Variants in TET1 observed in about 807,000 individuals in gnomAD.
The protein encoded by TET1 is methylcytosine dioxygenase TET1.
A neutral mutation model predicts 148.7 loss-of-function variants in TET1; 13 were observed. The observed-to-expected ratio is 0.09, with a 90% CI of 0.06 to 0.14. TET1 has a LOEUF of 0.14. Among genes scored for constraint, TET1 ranks in the 10% least tolerant of loss-of-function variants. The pLI, the probability that TET1 is intolerant of heterozygous loss-of-function variation, is 1.00. For missense variants in TET1, 2,182 were observed against 2,553.8 expected, an observed-to-expected ratio of 0.85 and a Z score of 3.14; for synonymous variants, 907 against 937.2, an observed-to-expected ratio of 0.97 and a Z score of 0.59.
In TET1 at chr10:68,646,191, A is replaced by G. The variant is rs776447531; in HGVS notation, c.3462A>G (p.Pro1154=). Residue 1154 remains proline (P), a synonymous_variant, in exon 4 of 12, where the codon CCA becomes CCG. Transcript: ENST00000373644. ...NPTQKKTKST[P]SRDRRKKKPT... ...CCCAGAAAAAGACAAAATCCACCCC[A>G]TCAAGAGATCGGCGGAAAAAGAAGC... is the stretch of plus-strand genomic sequence containing the variant. 1.1e-5 allele frequency: 18 copies of G among 1,614,044 alleles called. No individual in the cohort carries two copies. Among genetic ancestry groups the G allele is most frequent in the Non-Finnish European group, 1.4e-5 (16 of 1,180,002 alleles).
chr10:68,644,605 G>C (rs2054811048), intron 3 of TET1, 93 bp from the exon 4 acceptor site: 3 of 1,252,404 alleles, frequency 2.4e-6, no homozygotes, highest in Non-Finnish European at 3.2e-6. Context: ...TATCCACAGG[G>C]GCTTTACATT....
At chr10:68,667,492 A>G (rs1044363680) in intron 7 of TET1, among the ~76,000 whole-genome samples, 2 of 152,188 alleles carry the variant, frequency 1.3e-5, no homozygotes, top group African/African-American at 4.8e-5. Flanking sequence ...GCAGTGGCTC[A>G]TGCCTGTAAT....
chr10:68,669,530 AT>A (rs1256595110), intron 7 of TET1, among the ~76,000 whole-genome samples: 1 of 54,342 alleles, frequency 1.8e-5, no homozygotes, highest in Non-Finnish European at 3.6e-5. Flanking sequence ...TTTTTTTTGT[AT>A]TTTTAGTAGA....
intron 3 of TET1, among the ~76,000 whole-genome samples, chr10:68,614,949 T>A (rs967321532): frequency 8.6e-5 from 13 of 152,016 alleles, no homozygotes; most frequent in Non-Finnish European, 1.6e-4. Flanking sequence ...TATGGCTTTT[T>A]TTTTTTGAGT....
rs1316291755 is a variant in TET1 at position 68,580,803 on chromosome 10, AAAAT to A, written c.1914+6553_1914+6556del. 4.0e-3 allele frequency among the ~76,000 whole-genome samples: 483 copies of A among 120,178 alleles called. 1 individual carries two copies. The highest frequency in any genetic ancestry group is 5.0e-3 in the Non-Finnish European group (301 of 60,184). 78.8% of individuals were successfully genotyped at this position (120,178 alleles called of 152,430 possible). A position where few individuals can be genotyped will look rare whatever the true frequency, so the allele number is the denominator to read the frequency against. On this transcript the variant is annotated intron_variant, in intron 2 of 11. Transcript: ENST00000373644. Reference sequence around the variant, plus strand: ...ATCTCAAAAAAAAAAAAAAAAAAAAAAAATATATATATATATATATGGCGTGATG... The same window carrying A: ...ATCTCAAAAAAAAAAAAAAAAAAAAAATATATATATATATATGGCGTGATG...
chr10:68,575,518 T>C (rs1015992774), intron 2 of TET1, among the ~76,000 whole-genome samples: 2 of 150,236 alleles, frequency 1.3e-5, no homozygotes, highest in Non-Finnish European at 3.0e-5. Context: ...GAGACCAACA[T>C]GGGGTGAAAC....
At chr10:68,588,780 A>T (rs1316358022) in intron 2 of TET1, among the ~76,000 whole-genome samples, 4 of 151,508 alleles carry the variant, frequency 2.6e-5, no homozygotes. Flanking sequence ...AACTCTTTCC[A>T]TTTTTAATTT....
chr10:68,663,347 G>A (rs1231362014), intron 6 of TET1, among the ~76,000 whole-genome samples: 1 of 152,010 alleles, frequency 6.6e-6, no homozygotes, highest in Non-Finnish European at 1.5e-5. Flanking sequence ...TTTATTCTTA[G>A]GTTTTTTGCA....
Position 68,646,935 on chromosome 10 carries a change from CTTT to C in TET1, c.4207_4209del (p.Phe1403del), listed in dbSNP as rs748754173. Reference sequence around the variant, plus strand: ...ATTTTAATGATTATGCCATGAACTTCTTTACTAACCCTACAAAAAACCTAGTGT... The same window carrying C: ...ATTTTAATGATTATGCCATGAACTTCACTAACCCTACAAAAAACCTAGTGT... On this transcript the variant is annotated inframe_deletion, in exon 4 of 12. Coordinates refer to ENST00000373644, the MANE Select transcript of TET1 (RefSeq NM_030625.3). 1.9e-6 allele frequency: 3 copies of C among 1,614,116 alleles called. No individual in the cohort carries two copies. Among genetic ancestry groups the C allele is most frequent in the Non-Finnish European group, 2.5e-6 (3 of 1,180,008 alleles).
rs1354399884 is a variant in TET1 at position 68,595,873 on chromosome 10, C to G, written c.1915-5108C>G. Among the ~76,000 whole-genome samples, 4 of 108,662 alleles carry G rather than the reference C, an allele frequency of 3.7e-5. No homozygotes were observed. In the East Asian group the frequency reaches 1.0e-3, roughly 27 times the overall value. The allele number at this position is 108,662 out of a possible 152,430, so 71.3% of individuals were successfully genotyped here. On this transcript the variant is annotated intron_variant, in intron 2 of 11. Coordinates refer to ENST00000373644, the MANE Select transcript of TET1 (RefSeq NM_030625.3). Reference sequence around the variant, plus strand: ...CCTTGTGATCAGCCCGCCATGGCCTCCCAAAGTTTGGGATTATAGGTGTGA... The same window carrying G: ...CCTTGTGATCAGCCCGCCATGGCCTGCCAAAGTTTGGGATTATAGGTGTGA...
chr10:68,681,616 G>A (rs187418666), intron 9 of TET1, 128 bp downstream of exon 9: 116 of 547,634 alleles, frequency 2.1e-4, no homozygotes, highest in Non-Finnish European at 2.7e-4. Flanking sequence ...CAATGCTCCT[G>A]CCTCACCCTC....
rs573438747 is a variant in TET1 at position 68,625,200 on chromosome 10, G to T, written c.1969-19498G>T. Among the ~76,000 whole-genome samples, 4 of 152,198 alleles carry T rather than the reference G, an allele frequency of 2.6e-5. No homozygotes were observed. The South Asian group carries it at 8.3e-4, about 32-fold the overall frequency. On this transcript the variant is annotated intron_variant, in intron 3 of 11. Coordinates refer to ENST00000373644, the MANE Select transcript of TET1 (RefSeq NM_030625.3). ...TTAGGTTTTATTTGAATTTCTACTAGCCAAGTTTGCCCGCTCCTGGCAAGG... is the reference window on the plus strand; with the variant it reads ...TTAGGTTTTATTTGAATTTCTACTATCCAAGTTTGCCCGCTCCTGGCAAGG...
chr10:68,579,387 C>T lies in TET1; in HGVS notation c.1914+5135C>T, dbSNP rs761720617. Among the ~76,000 whole-genome samples the T allele has an allele frequency of 2.1e-4, 32 of 152,314 alleles. 3 individuals carry two copies. The highest frequency in any genetic ancestry group is 7.0e-4 in the African/African-American group (29 of 41,582). On this transcript the variant is annotated intron_variant, in intron 2 of 11. Transcript: ENST00000373644. ...ATTCTCTTGTTCTACAAGTTCTGAG[C>T]GCTACCACCTCTCCATTTTCTTGGC...
intron 11 of TET1, among the ~76,000 whole-genome samples, chr10:68,688,246 C>T (rs184555164): frequency 2.6e-5 from 4 of 151,706 alleles, no homozygotes; most frequent in East Asian, 1.9e-4. Context: ...TACAGGTGCC[C>T]GCCACCACGC....
intron 3 of TET1, among the ~76,000 whole-genome samples, chr10:68,621,508 C>T (rs775923581): frequency 4.6e-5 from 7 of 152,016 alleles, no homozygotes; most frequent in Non-Finnish European, 1.0e-4. Context: ...CTCTTGAATC[C>T]GGGAGGCGGT....
intron 1 of TET1, among the ~76,000 whole-genome samples, chr10:68,570,228 C>T (rs561763683): frequency 1.3e-5 from 2 of 152,148 alleles, no homozygotes; most frequent in African/African-American, 2.4e-5. Flanking sequence ...CCTCAGCCTC[C>T]GGAGTAGCTG....
At chr10:68,629,079 T>C (rs771877300) in intron 3 of TET1, among the ~76,000 whole-genome samples, 1 of 152,188 alleles carries the variant, frequency 6.6e-6, no homozygotes, top group South Asian at 2.1e-4. Context: ...AAATTTAGCA[T>C]GTATGCCGGG....
intron 3 of TET1, among the ~76,000 whole-genome samples, chr10:68,640,042 T>A (rs556380433): frequency 6.7e-6 from 1 of 149,192 alleles, no homozygotes; most frequent in Non-Finnish European, 1.5e-5. Flanking sequence ...ATTTTCATGC[T>A]TTAGCCATCC....
intron 3 of TET1, chr10:68,632,700 A>G (rs2054592262): frequency 6.2e-7 from 1 of 1,609,682 alleles, no homozygotes; most frequent in African/African-American, 1.3e-5. Flanking sequence ...ATCCTGAAAG[A>G]AAACACAACG....
Sources: allele counts gnomAD v4.1 joint callset (sites outside exome capture counted in the v4.1 genomes callset), GRCh38; gene constraint gnomAD v4.1.1; transcripts MANE v1.5; gene names NCBI Gene and HGNC (gene_info 2026-07-23, HGNC 2026-07-21).